Variants in AREL1 observed in about 807,000 individuals in gnomAD.
AREL1 encodes apoptosis resistant E3 ubiquitin protein ligase 1, also known as apoptosis-resistant E3 ubiquitin protein ligase 1.
A neutral mutation model predicts 99.0 loss-of-function variants in AREL1; 62 were observed. The observed-to-expected ratio is 0.63, with a 90% CI of 0.51 to 0.77. The LOEUF is 0.77. Among genes scored for constraint, AREL1 ranks in the 30% least tolerant of loss-of-function variants. The pLI, the probability that AREL1 is intolerant of heterozygous loss-of-function variation, is 0.00. For missense variants in AREL1, 879 were observed against 1,027.6 expected, an observed-to-expected ratio of 0.86 and a Z score of 1.98; for synonymous variants, 380 against 376.5, an observed-to-expected ratio of 1.01 and a Z score of -0.11.
intron 17 of AREL1, among the ~76,000 whole-genome samples, chr14:74,667,030 T>C (rs1175266404): frequency 6.6e-6 from 1 of 152,240 alleles, no homozygotes; most frequent in African/African-American, 2.4e-5. Context: ...TCAGTGATAC[T>C]TGATGAATAA....
intron 7 of AREL1, 22 bp from the exon 8 acceptor site, chr14:74,675,968 G>C (rs765486007): frequency 6.4e-7 from 1 of 1,556,658 alleles, no homozygotes; most frequent in South Asian, 1.2e-5. Flanking sequence ...TAAGGAATAA[G>C]GTTTAAAGTA....
rs1361778925 is a variant in AREL1, at chr14:74,672,926, C to T, written c.1327G>A (p.Val443Met). 25 of 1,614,038 alleles carry T rather than the reference C, an allele frequency of 1.5e-5. No homozygotes were observed. Among genetic ancestry groups the T allele is most frequent in the Non-Finnish European group, 1.9e-5 (23 of 1,180,030 alleles). Residue 443 changes from valine to methionine, a missense_variant, in exon 11 of 20, where the codon GTG becomes ATG. Physicochemically the swap from Val to Met is conservative, Grantham distance 21. Coordinates refer to ENST00000356357, the MANE Select transcript of AREL1 (RefSeq NM_001039479.2). ...IGGSETFQDKVNFFQRELRQV... is the reference protein window; with the variant it reads ...IGGSETFQDKMNFFQRELRQV... Reference sequence around the variant, plus strand: ...CGAAGCTCTCGCTGGAAAAAGTTCACCTTGTCCTGAAAGGTCTCAGAGCCT... The same window carrying T: ...CGAAGCTCTCGCTGGAAAAAGTTCATCTTGTCCTGAAAGGTCTCAGAGCCT...
At chr14:74,705,295 T>A (rs2090157276) in intron 1 of AREL1, among the ~76,000 whole-genome samples, 1 of 152,204 alleles carries the variant, frequency 6.6e-6, no homozygotes, top group South Asian at 2.1e-4. Context: ...CACCTCAGCC[T>A]CCCTAAGTGC....
intron 1 of AREL1, among the ~76,000 whole-genome samples, chr14:74,708,167 C>T (rs1029682814): frequency 1.4e-4 from 21 of 151,968 alleles, no homozygotes; most frequent in African/African-American, 4.8e-4. Flanking sequence ...TAGGAGACAC[C>T]GGTGAAAGGT....
In AREL1 at chr14:74,672,852, G is replaced by C; in HGVS notation, c.1401C>G (p.Ser467Arg). The change falls in exon 11 of 20, where the codon AGC (serine) becomes AGG (arginine). Residue 467 changes from serine to arginine, a missense_variant. Coordinates refer to ENST00000356357, the MANE Select transcript of AREL1 (RefSeq NM_001039479.2). ...CTACCGATTCCAACAAGGCATGTCT[G>C]CTGACCTTCAGGGTGACTTTGGAAT... Reference protein sequence around the residue: ...RPHSKVTLKVSRHALLESSLK... With the variant: ...RPHSKVTLKVRRHALLESSLK... 6.2e-7 allele frequency: 1 copy of C among 1,614,206 alleles called. No homozygotes were observed. Among genetic ancestry groups the C allele is most frequent in the Non-Finnish European group, 8.5e-7 (1 of 1,180,022 alleles).
intron 11 of AREL1, among the ~76,000 whole-genome samples, chr14:74,672,399 T>C (rs2089369291): frequency 6.6e-6 from 1 of 152,236 alleles, no homozygotes; most frequent in African/African-American, 2.4e-5. Flanking sequence ...CTTTTATAAG[T>C]ATATCTATAT....
chr14:74,700,048 T>C (rs2090054805), intron 1 of AREL1, among the ~76,000 whole-genome samples: 1 of 152,218 alleles, frequency 6.6e-6, no homozygotes, highest in Admixed American at 6.5e-5. Flanking sequence ...ATGGCTTCAA[T>C]CTACCTGAAG....
At chr14:74,684,341 G>A (rs1229177666) in intron 4 of AREL1, 113 bp downstream of exon 4, 3 of 904,968 alleles carry the variant, frequency 3.3e-6, no homozygotes, top group Admixed American at 2.4e-5. Flanking sequence ...ACTAGTTCCT[G>A]GAGGGAGTTG....
chr14:74,700,819 A>C (rs756458756), intron 1 of AREL1, among the ~76,000 whole-genome samples: 2 of 152,222 alleles, frequency 1.3e-5, no homozygotes, highest in Admixed American at 6.5e-5. Context: ...TGTTAAAGGA[A>C]TATGACTTCA....
rs906299426 is a variant in AREL1 at position 74,662,992 on chromosome 14, T to C, written c.*728A>G. The C allele has an allele frequency of 5.4e-5, 11 of 204,094 alleles. No individual in the cohort carries two copies. The highest frequency in any genetic ancestry group is 1.8e-4 in the Admixed American group (3 of 16,852). 12.6% of individuals were successfully genotyped at this position (204,094 alleles called of 1,614,324 possible). On this transcript the variant is annotated 3_prime_UTR_variant, in exon 20 of 20. Transcript: ENST00000356357. ...GAGGCTACAGCTCAGCTATCCTTCA[T>C]ATTCTTCAGTCTATCTGCTTTTCTC...
intron 2 of AREL1, among the ~76,000 whole-genome samples, chr14:74,686,689 G>C (rs1460303961): frequency 1.3e-5 from 2 of 152,118 alleles, no homozygotes; most frequent in Non-Finnish European, 2.9e-5. Context: ...TTTTACATCT[G>C]ATTGTGCTTG....
intron 5 of AREL1, among the ~76,000 whole-genome samples, chr14:74,680,124 G>C (rs773056488): frequency 5.3e-5 from 8 of 151,288 alleles, no homozygotes; most frequent in Non-Finnish European, 7.4e-5. Context: ...TGGTTGCAGT[G>C]AGTCAAGGTA....
At position 74,663,780 on chromosome 14, in the gene AREL1, C is replaced by T. The variant is rs779048821; in HGVS notation, c.2412G>A (p.Glu804=). The T allele has an allele frequency of 5.4e-5, 87 of 1,614,054 alleles. No homozygotes were observed. Among genetic ancestry groups the T allele is most frequent in the Non-Finnish European group, 7.1e-5 (84 of 1,180,042 alleles). The change falls in exon 20 of 20, where the codon GAG becomes GAA. Residue 804 remains glutamate, a synonymous_variant. Transcript: ENST00000356357. Reference sequence around the variant, plus strand: ...TGGCCAGCTGCAGCATCCTGTGCACCTCTTCATAGGAGTCATATGTAGGGA... The same window carrying T: ...TGGCCAGCTGCAGCATCCTGTGCACTTCTTCATAGGAGTCATATGTAGGGA... ...LCLPTYDSYE[E]VHRMLQLAIS... is the part of the protein sequence containing the mutation.
At chr14:74,672,683 C>T (rs1381554262) in intron 11 of AREL1, 148 bp downstream of exon 11, 4 of 1,093,096 alleles carry the variant, frequency 3.7e-6, no homozygotes, top group East Asian at 4.8e-5. Context: ...TGCAGTGAGC[C>T]ATGATCGCAC....
chr14:74,665,293 G>T (rs1283288143), intron 17 of AREL1, among the ~76,000 whole-genome samples: 2 of 145,262 alleles, frequency 1.4e-5, no homozygotes, highest in Non-Finnish European at 3.0e-5. Flanking sequence ...TTTTTGAGAC[G>T]GAGTCTCACT....
At chr14:74,691,246 G>A (rs764137903) in intron 2 of AREL1, 4 of 151,026 alleles carry the variant, frequency 2.6e-5, no homozygotes, top group Non-Finnish European at 5.9e-5. Flanking sequence ...CTTGAGCCTA[G>A]GAGGTCAAGG....
intron 1 of AREL1, among the ~76,000 whole-genome samples, chr14:74,700,073 C>T (rs2090055275): frequency 6.6e-6 from 1 of 152,170 alleles, no homozygotes; most frequent in Non-Finnish European, 1.5e-5. Context: ...CACTGGTTTT[C>T]CAGAGAGATT....
At chr14:74,710,130 C>T (rs1465924916) in intron 1 of AREL1, among the ~76,000 whole-genome samples, 2 of 152,234 alleles carry the variant, frequency 1.3e-5, no homozygotes, top group Admixed American at 6.5e-5. Flanking sequence ...CTTCGCATCC[C>T]CCACTTTCCA....
At chr14:74,705,346 T>C (rs1287685491) in intron 1 of AREL1, among the ~76,000 whole-genome samples, 1 of 152,172 alleles carries the variant, frequency 6.6e-6, no homozygotes, top group East Asian at 1.9e-4. Context: ...GCCCCAGTTA[T>C]AGTCTATTTC....
Sources: allele counts gnomAD v4.1 joint callset (sites outside exome capture counted in the v4.1 genomes callset), GRCh38; gene constraint gnomAD v4.1.1; transcripts MANE v1.5; gene names NCBI Gene and HGNC (gene_info 2026-07-23, HGNC 2026-07-21).